ABCA12: variants seen among roughly 807,000 people sequenced by gnomAD.
ABCA12 encodes the protein glucosylceramide transporter ABCA12.
In ABCA12, 156 loss-of-function variants were observed where a neutral mutation model predicts 293.5. The ratio of observed to expected loss-of-function variants is 0.53; its 90% confidence interval spans 0.47 to 0.61. The LOEUF (loss-of-function observed/expected upper bound fraction) is 0.61. ABCA12 is among the 20% of genes least tolerant of loss of function. The pLI is 0.00. For synonymous variants in ABCA12, 1,063 were observed against 1,108.0 expected, an observed-to-expected ratio of 0.96 and a Z score of 0.81; for missense variants, 2,797 against 3,090.2, an observed-to-expected ratio of 0.91 and a Z score of 2.25.
At chr2:215,082,134 T>C (rs1284339639) in intron 2 of ABCA12, among the ~76,000 whole-genome samples, 1 of 134,186 alleles carries the variant, frequency 7.5e-6, no homozygotes, top group African/African-American at 2.8e-5. Context: ...AACCTCCACC[T>C]CCTGGGTTCA....
rs576246529 is a variant in ABCA12 at position 215,033,094 on chromosome 2, G to C, written c.986-1198C>G. ...GTCTCAGGTTTTTCTGTTCAGCAGA[G>C]TAGAGTTTTTCTGTGCTCTGTTCAC... On this transcript the variant is annotated intron_variant, in intron 8 of 52. Transcript: ENST00000272895. Among the ~76,000 whole-genome samples the C allele has an allele frequency of 7.9e-5, 12 of 152,324 alleles. No homozygotes were observed. In the South Asian group the frequency reaches 2.5e-3, roughly 32 times the overall value.
At position 214,975,785 on chromosome 2, in the gene ABCA12, G is replaced by A. The variant is rs191005935; in HGVS notation, c.5381C>T (p.Ala1794Val). Residue 1794 changes from alanine (A) to valine (V), a missense_variant and splice_region_variant, in exon 34 of 53, where the codon GCT becomes GTT. Physicochemically the swap from Ala to Val is moderately conservative, Grantham distance 64. Coordinates refer to ENST00000272895, the MANE Select transcript of ABCA12 (RefSeq NM_173076.3). Reference sequence around the variant, plus strand: ...TTTTAGTTAACAGAAAGAAACTTACGCATAGAAGGCTGTCTGTTCGGAGGT... The same window carrying A: ...TTTTAGTTAACAGAAAGAAACTTACACATAGAAGGCTGTCTGTTCGGAGGT... ...YGTSEQTAFY[A>V]NYHPSTEALV... The A allele has an allele frequency of 5.1e-5, 83 of 1,614,006 alleles. 1 individual carries two copies. In the Middle Eastern group the frequency reaches 6.6e-4, roughly 13 times the overall value.
At chr2:215,010,252 G>A (rs1700342233) in intron 18 of ABCA12, 79 bp downstream of exon 18, 1 of 1,522,178 alleles carries the variant, frequency 6.6e-7, no homozygotes. Context: ...AAATCAGTCA[G>A]CTAAAGTAAA....
intron 10 of ABCA12, among the ~76,000 whole-genome samples, chr2:215,026,156 C>A (rs1379191704): frequency 6.6e-6 from 1 of 152,084 alleles, no homozygotes; most frequent in Non-Finnish European, 1.5e-5. Flanking sequence ...TAATTCATAC[C>A]TTGTAAACAA....
At chr2:215,012,344 T>A (rs1164657419) in intron 15 of ABCA12, among the ~76,000 whole-genome samples, 1 of 152,202 alleles carries the variant, frequency 6.6e-6, no homozygotes, top group African/African-American at 2.4e-5. Context: ...CAAAGATTTG[T>A]ATGTGAATGT....
Position 214,948,610 on chromosome 2 carries a change from T to C in ABCA12, c.7090A>G (p.Lys2364Glu). Residue 2364 changes from lysine (K) to glutamate (E), a missense_variant, in exon 47 of 53, where the codon AAG (lysine) becomes GAG (glutamate). Transcript: ENST00000272895. ...FYARVHGIPE[K>E]DIKETVHKLL... ...CTTGTACTCACTTCTTTAATATCCT[T>C]TTCTGGAATTCCATGTACCCTGGCA... 1.2e-6 allele frequency: 2 copies of C among 1,614,076 alleles called. No homozygotes were observed. The highest frequency in any genetic ancestry group is 2.2e-5 in the East Asian group (1 of 44,860).
chr2:215,043,278 T>C (rs903487592), intron 7 of ABCA12, among the ~76,000 whole-genome samples: 2 of 152,232 alleles, frequency 1.3e-5, no homozygotes, highest in African/African-American at 4.8e-5. Context: ...GTTTTTTTGC[T>C]ACTAAGGTGC....
intron 1 of ABCA12, among the ~76,000 whole-genome samples, chr2:215,119,482 T>C (rs1702756056): frequency 1.3e-5 from 2 of 152,134 alleles, no homozygotes; most frequent in Non-Finnish European, 1.5e-5. Context: ...AATTTTTATA[T>C]ATGGGGAAAG....
In ABCA12 at chr2:214,989,476, C is replaced by T. The variant is rs780478065; in HGVS notation, c.3695-13G>A. ...TCCCACTGAAGACCTAAAAAGTGAA[C>T]ACAAGTGTTTATTCTTCTGTGACAC... is the stretch of plus-strand genomic sequence containing the variant. On this transcript the variant is annotated splice_polypyrimidine_tract_variant and intron_variant, in intron 25 of 52. Coordinates refer to ENST00000272895, the MANE Select transcript of ABCA12 (RefSeq NM_173076.3). 4 of 1,613,564 alleles carry T rather than the reference C, an allele frequency of 2.5e-6. No homozygotes were observed. The African/African-American group carries it at 5.3e-5, about 22-fold the overall frequency.
chr2:214,951,573 C>T (rs1269763549), intron 44 of ABCA12, among the ~76,000 whole-genome samples: 2 of 152,038 alleles, frequency 1.3e-5, no homozygotes, highest in African/African-American at 4.8e-5. Flanking sequence ...CCTGGCCAAC[C>T]TGGCAAAACC....
At position 214,948,745 on chromosome 2, in the gene ABCA12, G is replaced by A. The variant is rs1698659483; in HGVS notation, c.6963-8C>T. The A allele has an allele frequency of 6.2e-7, 1 of 1,613,916 alleles. No individual in the cohort carries two copies. The highest frequency in any genetic ancestry group is 8.5e-7 in the Non-Finnish European group (1 of 1,179,924). On this transcript the variant is annotated splice_polypyrimidine_tract_variant and splice_region_variant and intron_variant, in intron 46 of 52. Transcript: ENST00000272895. Reference sequence around the variant, plus strand: ...TCAACGTGACCCAGAGATCTGAATTGAGAGAATCAAAAACACAGATGAATT... The same window carrying A: ...TCAACGTGACCCAGAGATCTGAATTAAGAGAATCAAAAACACAGATGAATT...
chr2:215,067,702 C>T (rs528769435), intron 2 of ABCA12, among the ~76,000 whole-genome samples: 106 of 152,192 alleles, frequency 7.0e-4, no homozygotes, highest in African/African-American at 2.5e-3. Context: ...CAGGCAAAGG[C>T]AGTGAGGAGC....
chr2:215,106,841 T>C (rs1014581904), intron 2 of ABCA12, among the ~76,000 whole-genome samples: 2 of 152,004 alleles, frequency 1.3e-5, no homozygotes, highest in Non-Finnish European at 2.9e-5. Context: ...CTATTTAGTA[T>C]AACTCTGTGA....
intron 21 of ABCA12, among the ~76,000 whole-genome samples, chr2:215,001,250 A>C (rs1045659765): frequency 6.6e-6 from 1 of 152,230 alleles, no homozygotes; most frequent in African/African-American, 2.4e-5. Flanking sequence ...GATTAAATGC[A>C]CCATTCTAAG....
chr2:215,002,912 C>G (rs1700173744), intron 20 of ABCA12, among the ~76,000 whole-genome samples: 1 of 152,170 alleles, frequency 6.6e-6, no homozygotes, highest in African/African-American at 2.4e-5. Context: ...AGCCTCACTT[C>G]CTAGTTCAGA....
At chr2:215,017,984 A>C in intron 14 of ABCA12, 24 bp downstream of exon 14, 1 of 1,613,982 alleles carries the variant, frequency 6.2e-7, no homozygotes, top group Non-Finnish European at 8.5e-7. Flanking sequence ...AACTGCATGT[A>C]AGTACAAACA....
At chr2:215,011,878 T>TC (rs1700383526) in intron 16 of ABCA12, 93 bp downstream of exon 16, 1 of 1,382,528 alleles carries the variant, frequency 7.2e-7, no homozygotes, top group Non-Finnish European at 1.0e-6. Context: ...TTTTTTTTTT[T>TC]CAATGTACTA....
intron 5 of ABCA12, among the ~76,000 whole-genome samples, chr2:215,050,266 AAC>A (rs1701294499): frequency 6.6e-6 from 1 of 152,180 alleles, no homozygotes; most frequent in Non-Finnish European, 1.5e-5. Context: ...TCCTAGGATG[AAC>A]AGTGTTTATT....
chr2:214,978,923 G>A lies in ABCA12; in HGVS notation c.4858C>T (p.Leu1620Phe), dbSNP rs1483223575. Reference sequence around the variant, plus strand: ...GAGACTTTGGTGCTGAATGGAGGAAGTACATAAACAAGCTCTCCCCCAATA... The same window carrying A: ...GAGACTTTGGTGCTGAATGGAGGAAATACATAAACAAGCTCTCCCCCAATA... The part of the protein sequence containing the change: ...EDIGGELVYV[L>F]PPFSTKVSGA... The change falls in exon 32 of 53, where the codon CTT (leucine) becomes TTT (phenylalanine). Residue 1620 changes from leucine (L) to phenylalanine (F), a missense_variant. By Grantham distance (22) the Leu-to-Phe change is conservative (BLOSUM62 0). This residue lies in a region of ABCA12 where 2,130 missense variants were observed against 2,427.0 expected (regional missense o/e 0.88). Transcript: ENST00000272895. 2 of 1,613,992 alleles carry A rather than the reference G, an allele frequency of 1.2e-6. No individual in the cohort carries two copies. The highest frequency in any genetic ancestry group is 2.2e-5 in the East Asian group (1 of 44,882).
Sources: allele counts gnomAD v4.1 joint callset (sites outside exome capture counted in the v4.1 genomes callset), GRCh38; gene constraint gnomAD v4.1.1; regional missense constraint gnomAD v4.1.1; transcripts MANE v1.5; gene names NCBI Gene and HGNC (gene_info 2026-07-23, HGNC 2026-07-21).